Variants in NCAPH observed in about 807,000 individuals in gnomAD.
The protein encoded by NCAPH is non-SMC condensin I complex subunit H.
In NCAPH, 38 loss-of-function variants were observed where a neutral mutation model predicts 85.5. That is an observed-to-expected ratio of 0.44 (90% confidence interval 0.34 to 0.58). NCAPH has a LOEUF of 0.58. Ranked by LOEUF, NCAPH falls within the 20% of genes least tolerant of loss-of-function variation. The pLI, the probability that NCAPH is intolerant of heterozygous loss-of-function variation, is 0.01. For synonymous variants in NCAPH, 301 were observed against 335.1 expected, an observed-to-expected ratio of 0.90 and a Z score of 1.11; for missense variants, 789 against 916.6, an observed-to-expected ratio of 0.86 and a Z score of 1.80.
At position 96,353,648 on chromosome 2, in the gene NCAPH, CG is replaced by C. The variant is rs544869761; in HGVS notation, c.1002+253del. 7.9e-5 allele frequency among the ~76,000 whole-genome samples: 12 copies of C among 152,250 alleles called. 1 individual carries two copies. The South Asian group carries it at 2.5e-3, about 32-fold the overall frequency. On this transcript the variant is annotated intron_variant, in intron 8 of 17. Transcript: ENST00000240423. ...TCTCTTCTGCTATCCTAGGGTAAGG[CG>C]GCCCTGGCATTAATCAGTGAACATT...
At chr2:96,355,421 G>T (rs538570754) in intron 9 of NCAPH, among the ~76,000 whole-genome samples, 1 of 151,950 alleles carries the variant, frequency 6.6e-6, no homozygotes, top group East Asian at 1.9e-4. Context: ...ATAATTTCCC[G>T]CTATGACAAA....
chr2:96,342,430 A>G (rs2064308710), intron 3 of NCAPH, among the ~76,000 whole-genome samples: 1 of 152,030 alleles, frequency 6.6e-6, no homozygotes, highest in Non-Finnish European at 1.5e-5. Flanking sequence ...GAGCCACCCA[A>G]CCATTTTGCT....
At chr2:96,345,052 T>C (rs1001955794) in intron 6 of NCAPH, among the ~76,000 whole-genome samples, 4 of 152,196 alleles carry the variant, frequency 2.6e-5, no homozygotes, top group Non-Finnish European at 4.4e-5. Flanking sequence ...AAAACTAGAA[T>C]TGGTCACCAA....
intron 9 of NCAPH, among the ~76,000 whole-genome samples, chr2:96,356,917 C>A (rs542422877): frequency 2.6e-5 from 4 of 152,298 alleles, no homozygotes; most frequent in Admixed American, 2.6e-4. Context: ...AGGTGGAGCT[C>A]TTTGTGCACA....
intron 1 of NCAPH, among the ~76,000 whole-genome samples, chr2:96,337,609 G>C (rs1016531054): frequency 3.3e-5 from 5 of 152,084 alleles, no homozygotes; most frequent in Admixed American, 3.3e-4. Context: ...TAGTAGGAAC[G>C]GGGTTTCACC....
At position 96,374,895 on chromosome 2, in the gene NCAPH, G is replaced by A. The variant is rs889118508; in HGVS notation, c.*1544G>A. On this transcript the variant is annotated 3_prime_UTR_variant, in exon 18 of 18. Transcript: ENST00000240423. The stretch of plus-strand genomic sequence containing the variant: ...CTATAGTGGGTTCTGGGGGTGGGGG[G>A]CTGAATTACCAGTAAAACTAGAAAG... 1.3e-5 allele frequency among the ~76,000 whole-genome samples: 2 copies of A among 152,084 alleles called. No homozygotes were observed. The highest frequency in any genetic ancestry group is 2.9e-5 in the Non-Finnish European group (2 of 68,024).
At chr2:96,369,118 G>A (rs1016071858) in intron 16 of NCAPH, 55 bp downstream of exon 16, 61 of 1,495,676 alleles carry the variant, frequency 4.1e-5, no homozygotes, top group Non-Finnish European at 4.9e-5. Flanking sequence ...TGAGCTGTCC[G>A]CGTGGCAGGC....
chr2:96,368,954 T>C lies in NCAPH; in HGVS notation c.1999-18T>C. On this transcript the variant is annotated intron_variant, in intron 15 of 17. Transcript: ENST00000240423. ...GCACTAGCCCTAACTGTCCGATGTA[T>C]AAATGTGCTTCTGTTAGGCAAACCA... The C allele has an allele frequency of 6.4e-7, 1 of 1,551,528 alleles. No individual in the cohort carries two copies. The highest frequency in any genetic ancestry group is 1.2e-5 in the South Asian group (1 of 84,020).
chr2:96,353,430 G>A, intron 8 of NCAPH, 33 bp downstream of exon 8: 1 of 1,587,380 alleles, frequency 6.3e-7, no homozygotes, highest in South Asian at 1.1e-5. Context: ...CATGGTTTCA[G>A]TTAGTTGGCT....
Position 96,360,592 on chromosome 2 carries a change from C to A in NCAPH, c.1469C>A (p.Ala490Asp). 1 of 1,614,030 alleles carries A rather than the reference C, an allele frequency of 6.2e-7. No homozygotes were observed. The highest frequency in any genetic ancestry group is 8.5e-7 in the Non-Finnish European group (1 of 1,179,962). Residue 490 changes from alanine to aspartate, a missense_variant, in exon 12 of 18, where the codon GCT becomes GAT. Transcript: ENST00000240423. Reference sequence around the variant, plus strand: ...TTTTTTTAAAAAAATTAATAGGCTGCTACTATTCTGACCAAGTCCACTTTG... The same window carrying A: ...TTTTTTTAAAAAAATTAATAGGCTGATACTATTCTGACCAAGTCCACTTTG... Reference protein sequence around the residue: ...FDVYFRKTKAATILTKSTLEN... With the variant: ...FDVYFRKTKADTILTKSTLEN...
chr2:96,363,507 T>A lies in NCAPH; in HGVS notation c.1588-974T>A, dbSNP rs577490992. Among the ~76,000 whole-genome samples the A allele has an allele frequency of 5.1e-4, 78 of 152,330 alleles. 1 individual carries two copies. In the South Asian group the frequency reaches 0.013, roughly 25 times the overall value. On this transcript the variant is annotated intron_variant, in intron 12 of 17. Transcript: ENST00000240423. The stretch of plus-strand genomic sequence containing the variant: ...GCACATTGTGGGTTTATTTGAGTTG[T>A]TTTTGAGGCACAGAATTATATTAAA...
rs200087965 is a variant in NCAPH, at chr2:96,366,045, C to A, written c.1868C>A (p.Ala623Asp). 10 of 1,614,170 alleles carry A rather than the reference C, an allele frequency of 6.2e-6. No homozygotes were observed. In the East Asian group the frequency reaches 2.0e-4, roughly 32 times the overall value. ...ITTYGESNLV[A>D]EPQKVNKIEI... ...ACATATGGGGAGTCAAACTTGGTAGCTGAGCCTCAGAAGGTACGGATGAAA... is the reference window on the plus strand; with the variant it reads ...ACATATGGGGAGTCAAACTTGGTAGATGAGCCTCAGAAGGTACGGATGAAA... The change falls in exon 14 of 18, where the codon GCT (alanine) becomes GAT (aspartate). Residue 623 changes from alanine to aspartate, a missense_variant. By Grantham distance (126) the Ala-to-Asp change is moderately radical. Transcript: ENST00000240423.
rs2064806698 is a variant in NCAPH at position 96,374,117 on chromosome 2, T to C, written c.*766T>C. On this transcript the variant is annotated 3_prime_UTR_variant, in exon 18 of 18. Coordinates refer to ENST00000240423, the MANE Select transcript of NCAPH (RefSeq NM_015341.5). ...ATTGCTTCATGTAGCCTTCTCAGCA[T>C]CCCTAGGAGAAACTTACTATTGTGA... Among the ~76,000 whole-genome samples the C allele has an allele frequency of 6.6e-6, 1 of 152,194 alleles. No homozygotes were observed. The highest frequency in any genetic ancestry group is 2.4e-5 in the African/African-American group (1 of 41,444).
chr2:96,369,052 C>A lies in NCAPH; in HGVS notation c.2079C>A (p.Asp693Glu). The A allele has an allele frequency of 1.9e-6, 3 of 1,555,130 alleles. No individual in the cohort carries two copies. Among genetic ancestry groups the A allele is most frequent in the Non-Finnish European group, 2.6e-6 (3 of 1,148,822 alleles). ...AGATGCTTAGCGGGCTCACGAAGGA[C>A]CTGCAGAGGAGGTGCGGGCTGGCAG... is the stretch of plus-strand genomic sequence containing the variant. ...DEKMLSGLTK[D>E]LQRSLPPVMA... Residue 693 changes from aspartate (D) to glutamate (E), a missense_variant, in exon 16 of 18, where the codon GAC becomes GAA. Asp to Glu is a conservative substitution (Grantham distance 45). Coordinates refer to ENST00000240423, the MANE Select transcript of NCAPH (RefSeq NM_015341.5).
At position 96,365,994 on chromosome 2, in the gene NCAPH, C is replaced by T. The variant is rs1380172484; in HGVS notation, c.1817C>T (p.Pro606Leu). Reference protein sequence around the residue: ...PKTAQQNGDTPEAQGLDITTY... With the variant: ...PKTAQQNGDTLEAQGLDITTY... Reference sequence around the variant, plus strand: ...ACAGCACAACAGAATGGTGACACTCCAGAAGCCCAAGGATTAGACATCACA... The same window carrying T: ...ACAGCACAACAGAATGGTGACACTCTAGAAGCCCAAGGATTAGACATCACA... Residue 606 changes from proline to leucine, a missense_variant, in exon 14 of 18, where the codon CCA (proline) becomes CTA (leucine). Transcript: ENST00000240423. 1.9e-6 allele frequency: 3 copies of T among 1,614,070 alleles called. No homozygotes were observed. The highest frequency in any genetic ancestry group is 2.5e-6 in the Non-Finnish European group (3 of 1,180,040).
intron 13 of NCAPH, 70 bp downstream of exon 13, chr2:96,364,661 C>A: frequency 8.9e-7 from 1 of 1,125,090 alleles, no homozygotes; most frequent in Non-Finnish European, 1.3e-6. Flanking sequence ...TTCTCATGTC[C>A]CCATTTTATA....
chr2:96,361,827 TA>T lies in NCAPH; in HGVS notation c.1587+1118del, dbSNP rs199521541. 2.9e-3 allele frequency among the ~76,000 whole-genome samples: 346 copies of T among 117,382 alleles called. 4 individuals carry two copies. The highest frequency in any genetic ancestry group is 8.8e-3 in the Middle Eastern group (2 of 228). 77.0% of individuals were successfully genotyped at this position (117,382 alleles called of 152,430 possible). On this transcript the variant is annotated intron_variant, in intron 12 of 17. Coordinates refer to ENST00000240423, the MANE Select transcript of NCAPH (RefSeq NM_015341.5). ...ATGTGTATATATATATATATATATA[TA>T]TTTTTTTTTTTTTTTCCCTGAATTG...
chr2:96,346,895 A>T (rs933871917), intron 6 of NCAPH, among the ~76,000 whole-genome samples: 3 of 152,118 alleles, frequency 2.0e-5, no homozygotes, highest in Non-Finnish European at 2.9e-5. Context: ...GAAGGAGAGG[A>T]TATCAACCAA....
rs1211579058 is a variant in NCAPH, at chr2:96,360,700, C to T, written c.1577C>T (p.Pro526Leu). ...ACTCTGGTCCAGCTTCACCTCAAAC[C>T]AGGCACCAGGGTAAGCCTATTTCTT... ...VDTLVQLHLK[P>L]GTRLLKMAQG... Residue 526 changes from proline to leucine, a missense_variant, in exon 12 of 18, where the codon CCA (proline) becomes CTA (leucine). Pro to Leu is a moderately conservative substitution (Grantham distance 98). Transcript: ENST00000240423. 3 of 1,614,126 alleles carry T rather than the reference C, an allele frequency of 1.9e-6. No individual in the cohort carries two copies. In the South Asian group the frequency reaches 3.3e-5, roughly 18 times the overall value.
Sources: allele counts gnomAD v4.1 joint callset (sites outside exome capture counted in the v4.1 genomes callset), GRCh38; gene constraint gnomAD v4.1.1; transcripts MANE v1.5; gene names NCBI Gene and HGNC (gene_info 2026-07-23, HGNC 2026-07-21).